DYM: variants seen among roughly 807,000 people sequenced by gnomAD.
The protein encoded by DYM is dymeclin, also known as dyggve-Melchior-Clausen syndrome protein.
A neutral mutation model predicts 93.1 loss-of-function variants in DYM; 78 were observed. The observed-to-expected ratio is 0.84, with a 90% CI of 0.70 to 1.01. The LOEUF (loss-of-function observed/expected upper bound fraction) is 1.01, where lower values mean the gene tolerates loss of function less well. Ranked by LOEUF, DYM falls within the 50% of genes least tolerant of loss-of-function variation. The pLI is 0.00. For synonymous variants in DYM, 321 were observed against 319.7 expected (o/e 1.00, Z -0.04); for missense variants, 789 against 845.0 (o/e 0.93, Z 0.82).
At position 49,206,011 on chromosome 18, in the gene DYM, G is replaced by GTTTTTTT. The variant is rs61590334; in HGVS notation, c.1625+3539_1625+3540insAAAAAAA. The GTTTTTTT allele has an allele frequency of 2.4e-4, 33 of 136,002 alleles. 4 individuals carry two copies. Among genetic ancestry groups the GTTTTTTT allele is most frequent in the East Asian group, 5.1e-4 (3 of 5,884 alleles). The allele number at this position is 136,002 out of a possible 1,614,324, so 8.4% of individuals were successfully genotyped here. A position where few individuals can be genotyped will look rare whatever the true frequency, so the allele number is the denominator to read the frequency against. On this transcript the variant is annotated intron_variant, in intron 14 of 17. Coordinates refer to ENST00000675505, the MANE Select transcript of DYM (RefSeq NM_001353214.3). ...GGTAGAGTTTTTTTTTTGTTTTTTT[G>GTTTTTTT]TTTTTTGCGGAGTCTTGCTCTGTGT...
intron 16 of DYM, among the ~76,000 whole-genome samples, chr18:49,102,592 G>A (rs1439011755): frequency 6.6e-6 from 1 of 152,064 alleles, no homozygotes; most frequent in Admixed American, 6.5e-5. Context: ...ACAGGCCCCA[G>A]TGTGTGACGT....
intron 14 of DYM, among the ~76,000 whole-genome samples, chr18:49,180,913 G>A (rs1178479948): frequency 1.3e-5 from 2 of 152,102 alleles, no homozygotes; most frequent in Non-Finnish European, 2.9e-5. Flanking sequence ...TTGATTTCTG[G>A]CATGGAGGAC....
chr18:49,220,675 A>G (rs1159243516), intron 13 of DYM, among the ~76,000 whole-genome samples: 1 of 152,208 alleles, frequency 6.6e-6, no homozygotes, highest in Non-Finnish European at 1.5e-5. Context: ...TATTTAATAA[A>G]TGGTGCTGGG....
At chr18:49,361,917 G>A (rs1464897888) in intron 6 of DYM, among the ~76,000 whole-genome samples, 1 of 151,988 alleles carries the variant, frequency 6.6e-6, no homozygotes, top group East Asian at 1.9e-4. Flanking sequence ...GTAGAAACGG[G>A]GTTTCACCAT....
At chr18:49,084,969 T>C (rs932123411) in intron 17 of DYM, among the ~76,000 whole-genome samples, 2 of 152,344 alleles carry the variant, frequency 1.3e-5, no homozygotes, top group South Asian at 2.1e-4. Flanking sequence ...GCAATGACCA[T>C]TTCTTGATAT....
rs377314315 is a variant in DYM, at chr18:49,259,661, T to C, written c.1252-1168A>G. 2.0e-4 allele frequency among the ~76,000 whole-genome samples: 30 copies of C among 152,334 alleles called. No individual in the cohort carries two copies. In the East Asian group the frequency reaches 3.1e-3, roughly 16 times the overall value. ...TTGATTTTATTGAATGTACTAATGG[T>C]ATGATATATTTTTTAAAGTCCATAC... On this transcript the variant is annotated intron_variant, in intron 11 of 17. Coordinates refer to ENST00000675505, the MANE Select transcript of DYM (RefSeq NM_001353214.3).
chr18:49,260,846 C>G (rs1233882788), intron 11 of DYM, among the ~76,000 whole-genome samples: 1 of 151,000 alleles, frequency 6.6e-6, no homozygotes, highest in South Asian at 2.1e-4. Flanking sequence ...CACCCATGTA[C>G]CATCTCCGGG....
chr18:49,255,981 G>C (rs546353603), intron 13 of DYM, among the ~76,000 whole-genome samples: 1 of 151,102 alleles, frequency 6.6e-6, no homozygotes, highest in African/African-American at 2.4e-5. Flanking sequence ...CTACTCGGGA[G>C]GCTGAGGCAG....
intron 14 of DYM, among the ~76,000 whole-genome samples, chr18:49,186,551 C>G (rs2090449457): frequency 6.6e-6 from 1 of 152,162 alleles, no homozygotes; most frequent in Non-Finnish European, 1.5e-5. Context: ...TTAAAAGTCA[C>G]TTTAGTCAGT....
chr18:49,153,032 G>C (rs2085993004), intron 15 of DYM, among the ~76,000 whole-genome samples: 1 of 152,166 alleles, frequency 6.6e-6, no homozygotes, highest in African/African-American at 2.4e-5. Context: ...TGTGGACCCA[G>C]TGTATAGCAT....
In DYM at chr18:49,232,303, TTTC is replaced by T. The variant is rs553100156; in HGVS notation, c.1461-22591_1461-22589del. 9.9e-3 allele frequency among the ~76,000 whole-genome samples: 1,508 copies of T among 151,820 alleles called. 10 individuals carry two copies. Among genetic ancestry groups the T allele is most frequent in the Non-Finnish European group, 0.014 (941 of 67,936 alleles). ...AACAGAATTTCTTCTTTTTTGATTT[TTTC>T]TTTTTTTTTTTTCTTTTTGAGAAGG... On this transcript the variant is annotated intron_variant, in intron 13 of 17. Coordinates refer to ENST00000675505, the MANE Select transcript of DYM (RefSeq NM_001353214.3).
chr18:49,138,874 G>A (rs1483172613), intron 15 of DYM, among the ~76,000 whole-genome samples: 1 of 152,136 alleles, frequency 6.6e-6, no homozygotes, highest in Non-Finnish European at 1.5e-5. Context: ...ATACTTTCAA[G>A]AGTTTCAGTC....
At chr18:49,141,788 C>A (rs1369543291) in intron 15 of DYM, among the ~76,000 whole-genome samples, 1 of 152,156 alleles carries the variant, frequency 6.6e-6, no homozygotes, top group African/African-American at 2.4e-5. Flanking sequence ...AGGTCCATGA[C>A]TGCCTATTCA....
chr18:49,257,039 G>A lies in DYM; in HGVS notation c.1431C>T (p.Leu477=). Reference sequence around the variant, plus strand: ...TGATCCTCTGGGCAGCATACTGATGGAGAGAACGAAACTGTGCCGACATAT... The same window carrying A: ...TGATCCTCTGGGCAGCATACTGATGAAGAGAACGAAACTGTGCCGACATAT... ...LANMSAQFRS[L]HQYAAQRIIS... Residue 477 remains leucine, a synonymous_variant, in exon 13 of 18, where the codon CTC becomes CTT. Transcript: ENST00000675505. 2 of 1,613,960 alleles carry A rather than the reference G, an allele frequency of 1.2e-6. No individual in the cohort carries two copies. Among genetic ancestry groups the A allele is most frequent in the Non-Finnish European group, 8.5e-7 (1 of 1,179,866 alleles).
chr18:49,312,220 G>A (rs2061640467), intron 8 of DYM, among the ~76,000 whole-genome samples: 1 of 152,148 alleles, frequency 6.6e-6, no homozygotes, highest in Admixed American at 6.5e-5. Context: ...GCAGACAGGG[G>A]CAGGTCCCCA....
intron 8 of DYM, among the ~76,000 whole-genome samples, chr18:49,310,811 A>G (rs1441334423): frequency 7.2e-5 from 11 of 152,222 alleles, no homozygotes; most frequent in Admixed American, 5.9e-4. Context: ...AAAAGAAGGT[A>G]AAGCATTCTA....
intron 14 of DYM, among the ~76,000 whole-genome samples, chr18:49,197,994 C>T (rs1226148539): frequency 6.6e-6 from 1 of 152,182 alleles, no homozygotes; most frequent in East Asian, 1.9e-4. Context: ...TACAAGGCTA[C>T]AGTAACCAAA....
intron 11 of DYM, among the ~76,000 whole-genome samples, chr18:49,269,842 C>T (rs923920735): frequency 7.2e-5 from 11 of 152,116 alleles, no homozygotes; most frequent in East Asian, 1.9e-4. Context: ...ATAAAGTCTA[C>T]GATAGCATAC....
intron 2 of DYM, among the ~76,000 whole-genome samples, chr18:49,392,201 A>C (rs761328481): frequency 1.3e-5 from 2 of 152,238 alleles, no homozygotes; most frequent in Non-Finnish European, 2.9e-5. Flanking sequence ...AGACAGACTC[A>C]AGATGACACA....
Sources: allele counts gnomAD v4.1 joint callset (sites outside exome capture counted in the v4.1 genomes callset), GRCh38; gene constraint gnomAD v4.1.1; transcripts MANE v1.5; gene names NCBI Gene and HGNC (gene_info 2026-07-23, HGNC 2026-07-21).